UGT1A6: variants seen among roughly 807,000 people sequenced by gnomAD.
UGT1A6 encodes the protein UDP-glucuronosyltransferase 1A6.
UGT1A6 carries 32 observed loss-of-function variants against 44.4 expected under a neutral mutation model. The ratio of observed to expected loss-of-function variants is 0.72; its 90% CI spans 0.54 to 0.97. The LOEUF is 0.97. Among genes scored for constraint, UGT1A6 ranks in the 50% least tolerant of loss-of-function variants. The probability of loss-of-function intolerance (pLI) is 0.00; values close to 1 mark genes in which losing one functional copy is unlikely to be tolerated. For missense variants in UGT1A6, 685 were observed against 661.9 expected (o/e 1.03, Z -0.38); for synonymous variants, 238 against 248.5 (o/e 0.96, Z 0.40).
intron 1 of UGT1A6, 46 bp downstream of exon 1, chr2:233,693,911 C>T: frequency 6.2e-7 from 1 of 1,612,432 alleles, no homozygotes; most frequent in Non-Finnish European, 8.5e-7. Flanking sequence ...CTTCCAGGCT[C>T]TGTCCTCCCT....
Position 233,760,912 on chromosome 2 carries a change from C to G in UGT1A6, c.862-6122C>G, listed in dbSNP as rs72551343. On this transcript the variant is annotated intron_variant, in intron 1 of 4. Transcript: ENST00000305139. ...TTCAGATCACATGACCTTCCTGCAG[C>G]GGGTGAAGAACATGCTCATTGCCTT... The G allele has an allele frequency of 6.2e-7, 1 of 1,614,070 alleles. No individual in the cohort carries two copies. The highest frequency in any genetic ancestry group is 1.3e-5 in the African/African-American group (1 of 74,930).
chr2:233,750,415 A>C (rs2885296), intron 1 of UGT1A6, among the ~76,000 whole-genome samples: 45,966 of 151,754 alleles, frequency 0.3, 7,352 homozygotes, highest in South Asian at 0.39. Context: ...CATGTGGTAG[A>C]AAAGAAAAAC....
intron 1 of UGT1A6, among the ~76,000 whole-genome samples, chr2:233,719,925 G>A (rs974352180): frequency 3.9e-5 from 6 of 152,132 alleles, no homozygotes; most frequent in Non-Finnish European, 8.8e-5. Flanking sequence ...TGTGACTCAC[G>A]GACAGTGTTT....
intron 1 of UGT1A6, chr2:233,719,283 A>G: frequency 1.2e-6 from 2 of 1,614,074 alleles, no homozygotes; most frequent in Non-Finnish European, 1.7e-6. Flanking sequence ...AGACCCCGTT[A>G]ACCTCTGTGG....
In UGT1A6 at chr2:233,729,398, G is replaced by A. The variant is rs540607993; in HGVS notation, c.861+35533G>A. On this transcript the variant is annotated intron_variant, in intron 1 of 4. Coordinates refer to ENST00000305139, the MANE Select transcript of UGT1A6 (RefSeq NM_001072.4). The stretch of plus-strand genomic sequence containing the variant: ...TCGTGGACCCAGGATGAATTTGATC[G>A]CCATGTGCTGGGCCACACTCAACTG... 219 of 1,613,654 alleles carry A rather than the reference G, an allele frequency of 1.4e-4. 1 individual carries two copies. The South Asian group carries it at 1.7e-3, about 12-fold the overall frequency.
rs753857882 is a variant in UGT1A6, at chr2:233,750,179, ATGT to A, written c.862-16851_862-16849del. ...AATGGTTTTGACCAAAATGCTGATA[ATGT>A]TGTGGACAATGAAGTCCAGGCTGAG... On this transcript the variant is annotated intron_variant, in intron 1 of 4. Transcript: ENST00000305139. Among the ~76,000 whole-genome samples, 2 of 151,978 alleles carry A rather than the reference ATGT, an allele frequency of 1.3e-5. 1 individual carries two copies. The highest frequency in any genetic ancestry group is 6.8e-3 in the Middle Eastern group (2 of 294).
intron 1 of UGT1A6, among the ~76,000 whole-genome samples, chr2:233,751,182 A>C (rs1481520525): frequency 1.3e-5 from 2 of 151,938 alleles, no homozygotes; most frequent in African/African-American, 4.9e-5. Flanking sequence ...ATGAGACATG[A>C]AGTTAAAGGT....
intron 1 of UGT1A6, among the ~76,000 whole-genome samples, chr2:233,762,788 C>T (rs553369718): frequency 6.6e-6 from 1 of 151,422 alleles, no homozygotes; most frequent in East Asian, 1.9e-4. Context: ...ATTATCTACT[C>T]ATTACTCAGC....
intron 1 of UGT1A6, among the ~76,000 whole-genome samples, chr2:233,705,124 G>A (rs1223845607): frequency 3.8e-5 from 5 of 133,010 alleles, no homozygotes; most frequent in Admixed American, 7.4e-5. Context: ...GGACAAGAGC[G>A]AGACTTCGTC....
chr2:233,745,429 A>G (rs1003194784), intron 1 of UGT1A6, among the ~76,000 whole-genome samples: 4 of 151,698 alleles, frequency 2.6e-5, no homozygotes, highest in African/African-American at 4.9e-5. Flanking sequence ...ATAAATTGTG[A>G]GGCAATACAC....
intron 1 of UGT1A6, chr2:233,761,121 C>T (rs1672783934): frequency 6.2e-7 from 1 of 1,614,054 alleles, no homozygotes; most frequent in South Asian, 1.1e-5. Context: ...TTGGTGGAAT[C>T]AACTGCCTTC....
intron 1 of UGT1A6, among the ~76,000 whole-genome samples, chr2:233,733,461 T>C (rs1181074493): frequency 2.0e-5 from 3 of 152,224 alleles, no homozygotes. Flanking sequence ...TAAATAGCTC[T>C]TATTATTTTG....
chr2:233,769,493 G>A lies in UGT1A6; in HGVS notation c.1301+1054G>A. ...TGTGTGTGTGTGCGTGTGTTTATGA[G>A]AGTGTCCATTGCTTTCTCCCATGGT... On this transcript the variant is annotated intron_variant, in intron 4 of 4. Coordinates refer to ENST00000305139, the MANE Select transcript of UGT1A6 (RefSeq NM_001072.4). The surrounding 1 kb of genome is among the most constrained non-coding windows in gnomAD (Gnocchi z 4.4). 1 of 1,612,700 alleles carries A rather than the reference G, an allele frequency of 6.2e-7. No homozygotes were observed. Among genetic ancestry groups the A allele is most frequent in the East Asian group, 2.2e-5 (1 of 44,876 alleles).
Position 233,740,185 on chromosome 2 carries a change from CCT to C in UGT1A6, c.862-26846_862-26845del, listed in dbSNP as rs573081380. On this transcript the variant is annotated intron_variant, in intron 1 of 4. Transcript: ENST00000305139. ...CATGTGGAACTGTGAGTCAATTAAA[CCT>C]CTTTCTTTTATAAATTACCCAGTCT... Among the ~76,000 whole-genome samples, 45 of 151,974 alleles carry C rather than the reference CCT, an allele frequency of 3.0e-4. 2 individuals are homozygous for C. Among genetic ancestry groups the C allele is most frequent in the African/African-American group, 9.9e-4 (41 of 41,240 alleles).
At chr2:233,718,464 C>A (rs2076655519) in intron 1 of UGT1A6, among the ~76,000 whole-genome samples, 1 of 152,218 alleles carries the variant, frequency 6.6e-6, no homozygotes, top group Non-Finnish European at 1.5e-5. Flanking sequence ...CAGACCTCAG[C>A]TGCAGCCTGA....
At position 233,693,200 on chromosome 2, in the gene UGT1A6, C is replaced by A. The variant is rs1287023283; in HGVS notation, c.196C>A (p.Leu66Ile). 1 of 1,614,122 alleles carries A rather than the reference C, an allele frequency of 6.2e-7. No individual in the cohort carries two copies. Among genetic ancestry groups the A allele is most frequent in the Admixed American group, 1.7e-5 (1 of 60,014 alleles). ...AGTGGTGGTGCCTGAAGTTAATTTGCTTTTGAAAGAATCCAAATACTACAC... is the reference window on the plus strand; with the variant it reads ...AGTGGTGGTGCCTGAAGTTAATTTGATTTTGAAAGAATCCAAATACTACAC... ...IVVVVPEVNL[L>I]LKESKYYTRK... is the part of the protein sequence containing the mutation. The change falls in exon 1 of 5, where the codon CTT becomes ATT. Residue 66 changes from leucine (L) to isoleucine (I), a missense_variant. Coordinates refer to ENST00000305139, the MANE Select transcript of UGT1A6 (RefSeq NM_001072.4).
rs34946978 is a variant in UGT1A6 at position 233,768,226 on chromosome 2, C to T, written c.1088C>T (p.Pro363Leu). 720 of 1,614,202 alleles carry T rather than the reference C, an allele frequency of 4.5e-4. 7 individuals carry two copies. The East Asian group carries it at 9.4e-3, about 21-fold the overall frequency. The change falls in exon 4 of 5, where the codon CCG becomes CTG. Residue 363 changes from proline to leucine, a missense_variant. By Grantham distance (98) the Pro-to-Leu change is moderately conservative. Transcript: ENST00000305139. Reference sequence around the variant, plus strand: ...TCCCTATTTTGCATCTCAGGTCACCCGATGACCCGTGCCTTTATCACCCAT... The same window carrying T: ...TCCCTATTTTGCATCTCAGGTCACCTGATGACCCGTGCCTTTATCACCCAT... The part of the protein sequence containing the change: ...WLPQNDLLGH[P>L]MTRAFITHAG...
At chr2:233,741,327 C>T (rs1174664524) in intron 1 of UGT1A6, among the ~76,000 whole-genome samples, 1 of 151,448 alleles carries the variant, frequency 6.6e-6, no homozygotes, top group Non-Finnish European at 1.5e-5. Flanking sequence ...TTCTACTCTA[C>T]CCAGAGTAGT....
chr2:233,748,596 G>C (rs905519077), intron 1 of UGT1A6, among the ~76,000 whole-genome samples: 5 of 151,812 alleles, frequency 3.3e-5, no homozygotes, highest in African/African-American at 1.2e-4. Flanking sequence ...CAGTTCAGTG[G>C]AAGTAGAGCA....
Sources: gnomAD v4.1 joint callset for allele counts (sites outside exome capture counted in the v4.1 genomes callset) on GRCh38, gnomAD v4.1.1 for gene constraint, Gnocchi (gnomAD v3.1) non-coding constraint, MANE v1.5 for transcripts, NCBI Gene and HGNC (gene_info 2026-07-23, HGNC 2026-07-21) for gene names.